The following PLCL1 variants were observed in gnomAD, a reference collection of about 807,000 sequenced individuals.
PLCL1 encodes the protein phospholipase C like 1 (inactive).
PLCL1 carries 41 observed loss-of-function variants against 84.4 expected under a neutral mutation model. That is an observed-to-expected ratio of 0.49 (90% CI 0.38 to 0.63). The LOEUF is 0.63. PLCL1 is among the 30% of genes least tolerant of loss of function. The pLI is 0.00. For synonymous variants in PLCL1, 490 were observed against 488.3 expected (o/e 1.00, Z -0.05); for missense variants, 1,206 against 1,367.8 (o/e 0.88, Z 1.87).
intron 3 of PLCL1, among the ~76,000 whole-genome samples, chr2:198,092,350 C>A (rs147484105): frequency 6.6e-6 from 1 of 152,326 alleles, no homozygotes; most frequent in African/African-American, 2.4e-5. Context: ...TCTCTTCCAG[C>A]CACACTGGCT....
At chr2:197,816,906 A>T (rs1021739672) in intron 1 of PLCL1, among the ~76,000 whole-genome samples, 1 of 152,112 alleles carries the variant, frequency 6.6e-6, no homozygotes, top group African/African-American at 2.4e-5. Context: ...GAAATTGCAA[A>T]GTCAATATGT....
intron 1 of PLCL1, among the ~76,000 whole-genome samples, chr2:197,993,570 T>G (rs1393574386): frequency 1.3e-5 from 2 of 152,012 alleles, no homozygotes; most frequent in Non-Finnish European, 2.9e-5. Flanking sequence ...TGTAACAGTG[T>G]AGAGTCATTA....
intron 1 of PLCL1, among the ~76,000 whole-genome samples, chr2:197,813,008 G>A (rs1338224547): frequency 6.6e-6 from 1 of 152,170 alleles, no homozygotes; most frequent in Non-Finnish European, 1.5e-5. Context: ...GATGATGAGG[G>A]TGCGCACACC....
intron 1 of PLCL1, among the ~76,000 whole-genome samples, chr2:198,030,485 G>A (rs1691384568): frequency 6.6e-6 from 1 of 152,142 alleles, no homozygotes; most frequent in Non-Finnish European, 1.5e-5. Flanking sequence ...AAAGAAGATG[G>A]TAATGGGGTT....
At chr2:197,864,864 TAAGA>T (rs1272281727) in intron 1 of PLCL1, among the ~76,000 whole-genome samples, 50 of 152,214 alleles carry the variant, frequency 3.3e-4, no homozygotes, top group African/African-American at 1.1e-3. Flanking sequence ...CAGAAGCGGT[TAAGA>T]ACTTCCTTGT....
chr2:198,117,993 T>C (rs1190231695), intron 5 of PLCL1, among the ~76,000 whole-genome samples: 1 of 151,890 alleles, frequency 6.6e-6, no homozygotes, highest in African/African-American at 2.4e-5. Flanking sequence ...TGTTATATCA[T>C]AGGCTCGTTT....
intron 3 of PLCL1, among the ~76,000 whole-genome samples, chr2:198,092,448 C>T (rs1693069131): frequency 6.6e-6 from 1 of 152,086 alleles, no homozygotes; most frequent in Non-Finnish European, 1.5e-5. Context: ...TTAGCATATC[C>T]ATCACCTCAA....
chr2:198,018,208 A>G (rs1011294170), intron 1 of PLCL1, among the ~76,000 whole-genome samples: 1 of 152,132 alleles, frequency 6.6e-6, no homozygotes, highest in African/African-American at 2.4e-5. Context: ...ACCAGATACT[A>G]CGCTTTTCCC....
intron 1 of PLCL1, among the ~76,000 whole-genome samples, chr2:198,006,733 T>C (rs928923596): frequency 3.9e-5 from 6 of 152,188 alleles, no homozygotes; most frequent in Non-Finnish European, 5.9e-5. Flanking sequence ...GTAGTGTTAA[T>C]ATTTCAAGAA....
chr2:197,811,591 C>T (rs1388917813), intron 1 of PLCL1, among the ~76,000 whole-genome samples: 1 of 152,086 alleles, frequency 6.6e-6, no homozygotes, highest in Admixed American at 6.5e-5. Context: ...CAAGGCAAAA[C>T]AACATAAACT....
At chr2:197,973,872 C>T (rs753315676) in intron 1 of PLCL1, among the ~76,000 whole-genome samples, 14 of 152,204 alleles carry the variant, frequency 9.2e-5, no homozygotes, top group Non-Finnish European at 1.5e-4. Context: ...TTTGTATACT[C>T]TTCTTGGTTC....
At chr2:197,944,364 C>T (rs1026149660) in intron 1 of PLCL1, among the ~76,000 whole-genome samples, 1 of 152,146 alleles carries the variant, frequency 6.6e-6, no homozygotes, top group Non-Finnish European at 1.5e-5. Context: ...CTATTTTCAG[C>T]AGTGGATCTT....
chr2:197,814,691 T>C (rs1690652991), intron 1 of PLCL1, among the ~76,000 whole-genome samples: 1 of 152,036 alleles, frequency 6.6e-6, no homozygotes, highest in Non-Finnish European at 1.5e-5. Flanking sequence ...GTTAGCCAAG[T>C]TGTGAATGTA....
intron 1 of PLCL1, among the ~76,000 whole-genome samples, chr2:197,959,645 G>GT (rs1689568150): frequency 6.6e-6 from 1 of 151,898 alleles, no homozygotes; most frequent in African/African-American, 2.4e-5. Context: ...ATCTAGAGTT[G>GT]TTTTTTTAAA....
At chr2:198,133,147 C>T (rs1292284549) in intron 5 of PLCL1, among the ~76,000 whole-genome samples, 1 of 151,872 alleles carries the variant, frequency 6.6e-6, no homozygotes, top group Non-Finnish European at 1.5e-5. Context: ...CAATGATAGA[C>T]TGGATTAAGA....
intron 1 of PLCL1, among the ~76,000 whole-genome samples, chr2:197,926,724 C>T (rs190597823): frequency 6.6e-6 from 1 of 152,152 alleles, no homozygotes; most frequent in Non-Finnish European, 1.5e-5. Flanking sequence ...GAGTAGGAAG[C>T]CTTCTGGTTA....
chr2:198,073,026 T>A (rs546707449), intron 1 of PLCL1, among the ~76,000 whole-genome samples: 1 of 152,310 alleles, frequency 6.6e-6, no homozygotes, highest in East Asian at 1.9e-4. Flanking sequence ...CAAATAAAAA[T>A]TATAGACATA....
intron 5 of PLCL1, among the ~76,000 whole-genome samples, chr2:198,108,314 A>T (rs561930471): frequency 6.6e-6 from 1 of 152,022 alleles, no homozygotes; most frequent in East Asian, 1.9e-4. Context: ...TTCCTTATAC[A>T]TGATTTAGAC....
At chr2:198,080,793 A>T (rs1692692895) in intron 1 of PLCL1, among the ~76,000 whole-genome samples, 1 of 152,204 alleles carries the variant, frequency 6.6e-6, no homozygotes, top group African/African-American at 2.4e-5. Context: ...GTAAAATGAC[A>T]ACCTAAGAAT....
Sources: allele counts gnomAD v4.1 joint callset (sites outside exome capture counted in the v4.1 genomes callset), GRCh38; gene constraint gnomAD v4.1.1; transcripts MANE v1.5; gene names NCBI Gene and HGNC (gene_info 2026-07-23, HGNC 2026-07-21).